The following ARMC8 variants were observed in gnomAD, a reference collection of about 807,000 sequenced individuals.
ARMC8 encodes armadillo repeat-containing protein 8.
Under a neutral mutation model 99.3 loss-of-function variants are expected in ARMC8, and 20 were observed. That is an observed-to-expected ratio of 0.20 (90% CI 0.14 to 0.29). The LOEUF (loss-of-function observed/expected upper bound fraction) is 0.29, where lower values mean the gene tolerates loss of function less well. ARMC8 is among the 10% of genes least tolerant of loss of function. The pLI, the probability that ARMC8 is intolerant of heterozygous loss-of-function variation, is 1.00. For synonymous variants in ARMC8, 263 were observed against 278.3 expected (o/e 0.95, Z 0.55); for missense variants, 569 against 809.5 (o/e 0.70, Z 3.60).
chr3:138,245,281 T>G (rs1249311975), intron 12 of ARMC8, 98 bp downstream of exon 12: 1 of 1,612,156 alleles, frequency 6.2e-7, no homozygotes, highest in Non-Finnish European at 8.5e-7. Context: ...ACAGTGACTG[T>G]TTGAATATAA....
intron 1 of ARMC8, among the ~76,000 whole-genome samples, chr3:138,193,758 A>C (rs2043530663): frequency 6.6e-6 from 1 of 152,240 alleles, no homozygotes; most frequent in Non-Finnish European, 1.5e-5. Flanking sequence ...TTAGAATAAA[A>C]CAGGAGAAAA....
intron 12 of ARMC8, among the ~76,000 whole-genome samples, chr3:138,258,534 C>G (rs972545991): frequency 2.0e-5 from 3 of 152,152 alleles, no homozygotes; most frequent in African/African-American, 7.2e-5. Context: ...AAACCACCAC[C>G]TTAGTATTAT....
At chr3:138,194,347 T>A (rs2043579460) in intron 1 of ARMC8, among the ~76,000 whole-genome samples, 1 of 144,160 alleles carries the variant, frequency 6.9e-6, no homozygotes, top group Non-Finnish European at 1.5e-5. Context: ...CCAGCTTTTT[T>A]TTTTTTTTTT....
In ARMC8 at chr3:138,262,670, C is replaced by T. The variant is rs1301199517; in HGVS notation, c.1135-1069C>T. On this transcript the variant is annotated intron_variant, in intron 12 of 21. Coordinates refer to ENST00000469044, the MANE Select transcript of ARMC8 (RefSeq NM_001363941.2). ...TAATTTAATTGGTCTGCTGTATGGCCTGGACATAGGATTAAAAAAAAAAAT... is the reference window on the plus strand; with the variant it reads ...TAATTTAATTGGTCTGCTGTATGGCTTGGACATAGGATTAAAAAAAAAAAT... 1.1e-5 allele frequency: 15 copies of T among 1,334,112 alleles called. No individual in the cohort carries two copies. In the Admixed American group the frequency reaches 2.6e-4, roughly 23 times the overall value. The allele number at this position is 1,334,112 out of a possible 1,614,324, so 82.6% of individuals were successfully genotyped here.
chr3:138,295,410 C>G (rs1217185382), intron 21 of ARMC8, among the ~76,000 whole-genome samples: 1 of 152,242 alleles, frequency 6.6e-6, no homozygotes, highest in Non-Finnish European at 1.5e-5. Flanking sequence ...CTAATCACCT[C>G]AACACCATTT....
At chr3:138,260,843 C>A (rs1336053728) in intron 12 of ARMC8, among the ~76,000 whole-genome samples, 1 of 152,188 alleles carries the variant, frequency 6.6e-6, no homozygotes, top group African/African-American at 2.4e-5. Context: ...TGGAGAGTAA[C>A]CATGTGTTCA....
intron 14 of ARMC8, 59 bp from the exon 15 acceptor site, chr3:138,267,096 T>C: frequency 1.2e-6 from 1 of 869,234 alleles, no homozygotes; most frequent in Non-Finnish European, 1.8e-6. Flanking sequence ...TTATATCTCA[T>C]TTTATATCTC....
chr3:138,188,639 A>G, intron 1 of ARMC8: 3 of 1,409,986 alleles, frequency 2.1e-6, no homozygotes, highest in Non-Finnish European at 3.0e-6. Context: ...GGGTAGTTGG[A>G]TTATAAATGA....
In ARMC8 at chr3:138,187,359, G is replaced by C. The variant is rs940451353; in HGVS notation, c.-196G>C. 3 of 559,536 alleles carry C rather than the reference G, an allele frequency of 5.4e-6. No homozygotes were observed. The highest frequency in any genetic ancestry group is 6.3e-5 in the Admixed American group (2 of 31,554). 34.7% of individuals were successfully genotyped at this position (559,536 alleles called of 1,614,324 possible). A position where few individuals can be genotyped will look rare whatever the true frequency, so the allele number is the denominator to read the frequency against. On this transcript the variant is annotated 5_prime_UTR_variant, in exon 1 of 22. Transcript: ENST00000469044. ...CTGTTTCTGAGAGAACGATTCGTAG[G>C]ACAGCCCCTGACGCCATTCCCTTTT...
intron 1 of ARMC8, among the ~76,000 whole-genome samples, chr3:138,194,981 T>G (rs2043630458): frequency 4.6e-5 from 7 of 151,920 alleles, no homozygotes; most frequent in Admixed American, 4.6e-4. Context: ...TAAAATAAAT[T>G]CATCAGTAAA....
At chr3:138,289,348 G>T (rs1054234233) in intron 20 of ARMC8, among the ~76,000 whole-genome samples, 2 of 152,206 alleles carry the variant, frequency 1.3e-5, no homozygotes, top group African/African-American at 2.4e-5. Context: ...CAGATTCAAG[G>T]AGGGAGAGTG....
Position 138,290,432 on chromosome 3 carries a change from G to A in ARMC8, c.1895-114G>A, listed in dbSNP as rs1156352089. ...ATTGGGAGAGGGTAGAGGACAAGGGGTACAGGAGGAGTAGGGAGTGAAGGA... is the reference window on the plus strand; with the variant it reads ...ATTGGGAGAGGGTAGAGGACAAGGGATACAGGAGGAGTAGGGAGTGAAGGA... On this transcript the variant is annotated intron_variant, in intron 20 of 21. Transcript: ENST00000469044. The A allele has an allele frequency of 6.7e-6, 5 of 746,820 alleles. No individual in the cohort carries two copies. The South Asian group carries it at 8.7e-5, about 13-fold the overall frequency. 46.3% of individuals were successfully genotyped at this position (746,820 alleles called of 1,614,324 possible).
chr3:138,257,488 G>A (rs1181197162), intron 12 of ARMC8, among the ~76,000 whole-genome samples: 1 of 152,100 alleles, frequency 6.6e-6, no homozygotes, highest in African/African-American at 2.4e-5. Flanking sequence ...TCTCTCCCCT[G>A]ACTCTTGCTG....
At chr3:138,192,826 C>T (rs936897979) in intron 1 of ARMC8, among the ~76,000 whole-genome samples, 1 of 152,264 alleles carries the variant, frequency 6.6e-6, no homozygotes, top group East Asian at 1.9e-4. Context: ...TGAGCCACTG[C>T]ACCTGGCCTG....
At chr3:138,232,861 C>T (rs1000967809) in intron 6 of ARMC8, among the ~76,000 whole-genome samples, 3 of 152,150 alleles carry the variant, frequency 2.0e-5, no homozygotes, top group African/African-American at 7.2e-5. Context: ...GGTGGAAAAA[C>T]AATGAGGTGC....
In ARMC8 at chr3:138,228,773, T is replaced by C. The variant is rs961270661; in HGVS notation, c.436-145T>C. On this transcript the variant is annotated intron_variant, in intron 5 of 21. Transcript: ENST00000469044. ...TAGACAGTTTTCATGGCCTCGTTGC[T>C]TTTGTTTTGCACTGTGCCTTAAGGA... 4.6e-5 allele frequency: 28 copies of C among 604,390 alleles called. No individual in the cohort carries two copies. In the Admixed American group the frequency reaches 6.1e-4, roughly 13 times the overall value. 37.4% of individuals were successfully genotyped at this position (604,390 alleles called of 1,614,324 possible). A position where few individuals can be genotyped will look rare whatever the true frequency, so the allele number is the denominator to read the frequency against.
At chr3:138,189,328 G>C (rs990528174) in intron 1 of ARMC8, among the ~76,000 whole-genome samples, 1 of 151,100 alleles carries the variant, frequency 6.6e-6, no homozygotes, top group Non-Finnish European at 1.5e-5. Context: ...CCCAAAGTCT[G>C]GTCTATCAGA....
chr3:138,229,164 ATATATATATATATATATATG>A lies in ARMC8; in HGVS notation c.528+160_528+179del, dbSNP rs1449091191. 388 of 78,680 alleles carry A rather than the reference ATATATATATATATATATATG, an allele frequency of 4.9e-3. 11 individuals are homozygous for A. Among genetic ancestry groups the A allele is most frequent in the East Asian group, 0.044 (95 of 2,140 alleles). 4.9% of individuals were successfully genotyped at this position (78,680 alleles called of 1,614,324 possible). A position where few individuals can be genotyped will look rare whatever the true frequency, so the allele number is the denominator to read the frequency against. ...TATATATATATATATATATATATAT[ATATATATATATATATATATG>A]TATATGTATATGTATATGTATATAT... is the stretch of plus-strand genomic sequence containing the variant. On this transcript the variant is annotated intron_variant, in intron 6 of 21. Coordinates refer to ENST00000469044, the MANE Select transcript of ARMC8 (RefSeq NM_001363941.2).
intron 2 of ARMC8, among the ~76,000 whole-genome samples, chr3:138,219,678 CT>C (rs1235960373): frequency 1.7e-4 from 26 of 152,176 alleles, no homozygotes; most frequent in African/African-American, 6.0e-4. Context: ...TTATTAACAT[CT>C]TTTTTTCCTT....
Sources: gnomAD v4.1 joint callset for allele counts (sites outside exome capture counted in the v4.1 genomes callset) on GRCh38, gnomAD v4.1.1 for gene constraint, MANE v1.5 for transcripts, NCBI Gene and HGNC (gene_info 2026-07-23, HGNC 2026-07-21) for gene names.